The following HEATR5B variants were observed in gnomAD, a reference collection of about 807,000 sequenced individuals.
HEATR5B encodes the protein HEAT repeat containing 5B, also known as HEAT repeat-containing protein 5B.
A neutral mutation model predicts 224.1 loss-of-function variants in HEATR5B; 156 were observed. The observed-to-expected ratio is 0.70, with a 90% CI of 0.61 to 0.80. The LOEUF is 0.80. Among genes scored for constraint, HEATR5B ranks in the 30% least tolerant of loss-of-function variants. HEATR5B has a pLI of 0.00. For synonymous variants in HEATR5B, 1,027 were observed against 893.0 expected (o/e 1.15, Z -2.68); for missense variants, 2,323 against 2,535.5 (o/e 0.92, Z 1.80).
intron 33 of HEATR5B, among the ~76,000 whole-genome samples, chr2:36,991,166 A>G (rs1377431786): frequency 1.3e-5 from 2 of 152,226 alleles, no homozygotes; most frequent in Non-Finnish European, 2.9e-5. Context: ...TAAAATCCAG[A>G]GTACATTTTT....
chr2:37,071,488 C>G (rs1671902477), intron 6 of HEATR5B, among the ~76,000 whole-genome samples: 1 of 152,132 alleles, frequency 6.6e-6, no homozygotes, highest in Non-Finnish European at 1.5e-5. Flanking sequence ...ATCTACTCAT[C>G]AGAGACAGAA....
chr2:37,083,181 C>A, intron 2 of HEATR5B, 108 bp downstream of exon 2: 2 of 1,263,830 alleles, frequency 1.6e-6, no homozygotes, highest in East Asian at 2.4e-5. Flanking sequence ...TCTCAAGTTC[C>A]ATAAGTGACC....
chr2:37,050,849 C>T (rs557717692), intron 17 of HEATR5B, among the ~76,000 whole-genome samples: 4 of 152,214 alleles, frequency 2.6e-5, no homozygotes, highest in African/African-American at 9.6e-5. Flanking sequence ...ACCATCCTGG[C>T]CAACATGGTG....
intron 19 of HEATR5B, chr2:37,040,908 A>G (rs1000244742): frequency 1.6e-5 from 8 of 489,282 alleles, no homozygotes; most frequent in Middle Eastern, 5.4e-4. Flanking sequence ...TACACAATAA[A>G]AAGAAAATAT....
chr2:37,010,837 CCATT>C lies in HEATR5B; in HGVS notation c.4285-1993_4285-1990del, dbSNP rs1361298568. 2.0e-5 allele frequency among the ~76,000 whole-genome samples: 3 copies of C among 151,994 alleles called. No individual in the cohort carries two copies. In the East Asian group the frequency reaches 5.8e-4, roughly 29 times the overall value. On this transcript the variant is annotated intron_variant, in intron 27 of 35. Transcript: ENST00000233099. ...AATAAGCACTCTTAAGTATATCCAG[CCATT>C]CATTCATCAAATCCTTACTAGGTAG...
At chr2:37,074,321 C>CAAAAAA (rs200217812) in intron 5 of HEATR5B, among the ~76,000 whole-genome samples, 1 of 50,658 alleles carries the variant, frequency 2.0e-5, no homozygotes, top group Non-Finnish European at 3.9e-5. Flanking sequence ...GACTCCATCT[C>CAAAAAA]AAAAAAAAAA....
intron 17 of HEATR5B, among the ~76,000 whole-genome samples, chr2:37,051,865 C>T (rs921065201): frequency 1.3e-5 from 2 of 152,102 alleles, no homozygotes; most frequent in South Asian, 4.2e-4. Context: ...TCAGCCTCCC[C>T]AGTAGCTGGG....
chr2:37,062,531 C>T (rs1407232375), intron 10 of HEATR5B, among the ~76,000 whole-genome samples: 3 of 152,164 alleles, frequency 2.0e-5, no homozygotes. Context: ...TCTGAAGAGA[C>T]CCAGAACAGT....
chr2:37,067,363 A>C (rs1671649546), intron 8 of HEATR5B, among the ~76,000 whole-genome samples: 1 of 152,242 alleles, frequency 6.6e-6, no homozygotes, highest in South Asian at 2.1e-4. Flanking sequence ...TTATTCTTTA[A>C]GTTGTGAATC....
intron 9 of HEATR5B, among the ~76,000 whole-genome samples, 173 bp from the exon 10 acceptor site, chr2:37,065,163 T>C (rs1320392900): frequency 1.3e-5 from 2 of 152,232 alleles, no homozygotes; most frequent in African/African-American, 4.8e-5. Context: ...GAACATTTTC[T>C]ATGAAGAACA....
chr2:37,008,726 T>C lies in HEATR5B; in HGVS notation c.4407A>G (p.Leu1469=). 1 of 1,614,068 alleles carries C rather than the reference T, an allele frequency of 6.2e-7. No homozygotes were observed. The highest frequency in any genetic ancestry group is 8.5e-7 in the Non-Finnish European group (1 of 1,179,918). The change falls in exon 28 of 36, where the codon TTA becomes TTG. Residue 1469 remains leucine, a synonymous_variant. Coordinates refer to ENST00000233099, the MANE Select transcript of HEATR5B (RefSeq NM_019024.3). ...GTIDELPPDS[L]ITLVQPELPT... ...GTAGTTCAGGTTGTACCAGTGTTAT[T>C]AAACTATCTGGTGGCAGTTCATCGA...
intron 33 of HEATR5B, among the ~76,000 whole-genome samples, chr2:36,993,728 C>T (rs1431961835): frequency 6.6e-6 from 1 of 151,782 alleles, no homozygotes; most frequent in Non-Finnish European, 1.5e-5. Flanking sequence ...GACAAAGCAA[C>T]ATTACAAAGC....
intron 30 of HEATR5B, 86 bp from the exon 31 acceptor site, chr2:37,003,772 G>T: frequency 1.1e-6 from 1 of 907,492 alleles, no homozygotes; most frequent in Non-Finnish European, 1.5e-6. Flanking sequence ...AAATACCTAT[G>T]TAAAAAAAGA....
chr2:37,068,835 A>C lies in HEATR5B; in HGVS notation c.1023T>G (p.Pro341=), dbSNP rs1237335632. The stretch of plus-strand genomic sequence containing the variant: ...CCTCCACATGTGTTTGTGTTGCCCG[A>C]GGATGGGAAACCAGATCAAGTACAT... ...LSHVLDLVSH[P]RATQTHVEAV... is the part of the protein sequence containing the mutation. The change falls in exon 8 of 36, where the codon CCT becomes CCG. Residue 341 remains proline (P), a synonymous_variant. Coordinates refer to ENST00000233099, the MANE Select transcript of HEATR5B (RefSeq NM_019024.3). 5 of 1,614,142 alleles carry C rather than the reference A, an allele frequency of 3.1e-6. No individual in the cohort carries two copies. In the Admixed American group the frequency reaches 8.3e-5, roughly 27 times the overall value.
In HEATR5B at chr2:37,054,635, C is replaced by T. The variant is rs183649276; in HGVS notation, c.2400-1028G>A. On this transcript the variant is annotated intron_variant, in intron 16 of 35. Transcript: ENST00000233099. ...GAGTAGCTGGGACTACAGGTGTTCGCCACTACACCCAGCTAATTTTGTATT... is the reference window on the plus strand; with the variant it reads ...GAGTAGCTGGGACTACAGGTGTTCGTCACTACACCCAGCTAATTTTGTATT... Among the ~76,000 whole-genome samples, 5 of 151,584 alleles carry T rather than the reference C, an allele frequency of 3.3e-5. No homozygotes were observed. The East Asian group carries it at 9.7e-4, about 29-fold the overall frequency.
chr2:37,046,259 T>C (rs1670184998), intron 18 of HEATR5B, among the ~76,000 whole-genome samples: 1 of 152,198 alleles, frequency 6.6e-6, no homozygotes, highest in Non-Finnish European at 1.5e-5. Flanking sequence ...CAAAGCAGCC[T>C]AAAAAGCAAT....
At chr2:37,045,352 A>G (rs565050997) in intron 18 of HEATR5B, among the ~76,000 whole-genome samples, 2 of 137,640 alleles carry the variant, frequency 1.5e-5, no homozygotes, top group East Asian at 1.9e-4. Flanking sequence ...AATATTGCTG[A>G]GTTTTTTTCT....
intron 20 of HEATR5B, among the ~76,000 whole-genome samples, chr2:37,038,907 TGG>T (rs758997585): frequency 1.5e-5 from 1 of 66,350 alleles, no homozygotes; most frequent in Admixed American, 1.2e-4. Context: ...CTCCCTGGGG[TGG>T]GGGGGGTGGG....
intron 2 of HEATR5B, among the ~76,000 whole-genome samples, chr2:37,079,712 A>C (rs1486748510): frequency 6.6e-6 from 1 of 152,244 alleles, no homozygotes; most frequent in Non-Finnish European, 1.5e-5. Context: ...TCAGTAGTTC[A>C]TAAAGTTACA....
Sources: gnomAD v4.1 joint callset for allele counts (sites outside exome capture counted in the v4.1 genomes callset) on GRCh38, gnomAD v4.1.1 for gene constraint, MANE v1.5 for transcripts, NCBI Gene and HGNC (gene_info 2026-07-23, HGNC 2026-07-21) for gene names.